LRRC4C: variants seen among roughly 807,000 people sequenced by gnomAD.
LRRC4C encodes the protein leucine rich repeat containing 4C.
LRRC4C carries 5 observed loss-of-function variants against 33.6 expected under a neutral mutation model. The ratio of observed to expected loss-of-function variants is 0.15; its 90% CI spans 0.08 to 0.31. The LOEUF (loss-of-function observed/expected upper bound fraction) is 0.31. LRRC4C is among the 10% of genes least tolerant of loss of function. The probability of loss-of-function intolerance (pLI) is 1.00; values close to 1 mark genes in which losing one functional copy is unlikely to be tolerated. For missense variants in LRRC4C, 560 were observed against 796.7 expected, an observed-to-expected ratio of 0.70 and a Z score of 3.58; for synonymous variants, 329 against 302.0, an observed-to-expected ratio of 1.09 and a Z score of -0.93.
chr11:40,276,410 G>A (rs951446981), intron 4 of LRRC4C, among the ~76,000 whole-genome samples: 1 of 152,060 alleles, frequency 6.6e-6, no homozygotes, highest in Admixed American at 6.6e-5. Context: ...CCTAGATTTA[G>A]GGATAAGAAG....
At chr11:40,680,548 C>T (rs1040515358) in intron 2 of LRRC4C, among the ~76,000 whole-genome samples, 32 of 152,108 alleles carry the variant, frequency 2.1e-4, no homozygotes, top group African/African-American at 7.0e-4. Flanking sequence ...CCATGCTGTT[C>T]TCGTGATACT....
chr11:40,365,705 T>C (rs1002771872), intron 3 of LRRC4C, among the ~76,000 whole-genome samples: 1 of 152,062 alleles, frequency 6.6e-6, no homozygotes, highest in Non-Finnish European at 1.5e-5. Context: ...CAGATATTCA[T>C]GATGCAGAAC....
At chr11:40,430,646 CCTT>C (rs1565380054) in intron 3 of LRRC4C, among the ~76,000 whole-genome samples, 1 of 152,008 alleles carries the variant, frequency 6.6e-6, no homozygotes, top group African/African-American at 2.4e-5. Context: ...TTTCTTTATA[CCTT>C]TCTTCTACAT....
At chr11:41,020,195 A>G (rs1855867017) in intron 1 of LRRC4C, among the ~76,000 whole-genome samples, 1 of 152,166 alleles carries the variant, frequency 6.6e-6, no homozygotes, top group Non-Finnish European at 1.5e-5. Flanking sequence ...AGTACAAAAT[A>G]TGTCTGATCA....
At chr11:41,366,961 A>G (rs1952567078) in intron 1 of LRRC4C, among the ~76,000 whole-genome samples, 1 of 152,200 alleles carries the variant, frequency 6.6e-6, no homozygotes, top group Non-Finnish European at 1.5e-5. Context: ...GATGATGTTA[A>G]TAGAGACCAA....
chr11:40,952,260 C>G (rs529866131), intron 1 of LRRC4C, among the ~76,000 whole-genome samples: 1 of 151,902 alleles, frequency 6.6e-6, no homozygotes, highest in Non-Finnish European at 1.5e-5. Flanking sequence ...AAGGTCCAAT[C>G]TCTTTAGGCC....
At chr11:40,244,653 C>A (rs923861722) in intron 4 of LRRC4C, among the ~76,000 whole-genome samples, 1 of 152,064 alleles carries the variant, frequency 6.6e-6, no homozygotes, top group African/African-American at 2.4e-5. Flanking sequence ...CTCTCCCATG[C>A]ATGTTAATAA....
Position 40,748,783 on chromosome 11 carries a change from A to G in LRRC4C, c.-406-100505T>C, listed in dbSNP as rs1389113738. On this transcript the variant is annotated intron_variant, in intron 2 of 6. Coordinates refer to ENST00000528697, the MANE Select transcript of LRRC4C (RefSeq NM_001258419.2). ...ATATAGATTGAAAGTAAAGGAATGT[A>G]AAAAGATATTCCAGGCAAATGAAAG... Among the ~76,000 whole-genome samples, 5 of 152,146 alleles carry G rather than the reference A, an allele frequency of 3.3e-5. No homozygotes were observed. In the South Asian group the frequency reaches 1.0e-3, roughly 32 times the overall value.
chr11:40,329,201 T>TA (rs1469515637), intron 3 of LRRC4C, among the ~76,000 whole-genome samples: 1 of 152,208 alleles, frequency 6.6e-6, no homozygotes, highest in Non-Finnish European at 1.5e-5. Flanking sequence ...GTTAGTTCTG[T>TA]AAAGAGCTGG....
At chr11:40,964,236 T>G (rs1342921783) in intron 1 of LRRC4C, among the ~76,000 whole-genome samples, 2 of 151,730 alleles carry the variant, frequency 1.3e-5, no homozygotes, top group Non-Finnish European at 2.9e-5. Context: ...ATTATTTTTA[T>G]CATTGATTTA....
intron 2 of LRRC4C, among the ~76,000 whole-genome samples, chr11:40,661,054 T>C (rs1441984500): frequency 6.6e-6 from 1 of 152,186 alleles, no homozygotes; most frequent in African/African-American, 2.4e-5. Context: ...ATGGGACTTT[T>C]GACATAAACA....
intron 2 of LRRC4C, among the ~76,000 whole-genome samples, chr11:40,800,833 G>C (rs1344933922): frequency 1.3e-5 from 2 of 152,020 alleles, no homozygotes; most frequent in African/African-American, 4.8e-5. Flanking sequence ...TATAATACAA[G>C]CTATTCTGCA....
chr11:40,917,841 A>G (rs1957024055), intron 2 of LRRC4C, among the ~76,000 whole-genome samples: 2 of 152,174 alleles, frequency 1.3e-5, no homozygotes, highest in East Asian at 3.8e-4. Flanking sequence ...CTTGAATAAC[A>G]TGAGCAAGCC....
chr11:41,013,472 T>C (rs1308989084), intron 1 of LRRC4C, among the ~76,000 whole-genome samples: 1 of 152,188 alleles, frequency 6.6e-6, no homozygotes, highest in East Asian at 1.9e-4. Flanking sequence ...ATAAAACTAA[T>C]CTGTGAGGCT....
intron 1 of LRRC4C, among the ~76,000 whole-genome samples, chr11:41,251,069 A>G (rs1442540366): frequency 6.6e-6 from 1 of 152,194 alleles, no homozygotes; most frequent in Non-Finnish European, 1.5e-5. Context: ...CTTTACACTC[A>G]ACCAAAAATA....
At chr11:40,471,034 A>G (rs1384999508) in intron 3 of LRRC4C, among the ~76,000 whole-genome samples, 2 of 152,146 alleles carry the variant, frequency 1.3e-5, no homozygotes, top group Non-Finnish European at 2.9e-5. Context: ...AATACAGAGA[A>G]CACCACAAAG....
intron 1 of LRRC4C, among the ~76,000 whole-genome samples, chr11:41,326,277 T>C (rs947252812): frequency 1.3e-5 from 2 of 152,166 alleles, no homozygotes; most frequent in South Asian, 2.1e-4. Flanking sequence ...TCTTCAGCAT[T>C]TGGACTTTTG....
At chr11:40,871,315 C>T in intron 2 of LRRC4C, among the ~76,000 whole-genome samples, 1 of 152,072 alleles carries the variant, frequency 6.6e-6, no homozygotes, top group East Asian at 1.9e-4. Flanking sequence ...TTCGTACACT[C>T]CCTCCCCTTT....
chr11:40,912,494 G>T (rs1956744453), intron 2 of LRRC4C, among the ~76,000 whole-genome samples: 1 of 152,128 alleles, frequency 6.6e-6, no homozygotes, highest in Non-Finnish European at 1.5e-5. Flanking sequence ...ACAAGCAAAT[G>T]CTGAGAGATT....
Sources: allele counts gnomAD v4.1 joint callset (sites outside exome capture counted in the v4.1 genomes callset), GRCh38; gene constraint gnomAD v4.1.1; transcripts MANE v1.5; gene names NCBI Gene and HGNC (gene_info 2026-07-23, HGNC 2026-07-21).